The following PRKN variants were observed in gnomAD, a reference collection of about 807,000 sequenced individuals.
PRKN encodes E3 ubiquitin-protein ligase parkin.
Under a neutral mutation model 59.5 loss-of-function variants are expected in PRKN, and 56 were observed. The ratio of observed to expected loss-of-function variants is 0.94; its 90% CI spans 0.76 to 1.18. PRKN has a LOEUF of 1.18. PRKN is among the 50% of genes most tolerant of loss of function. The pLI, the probability that PRKN is intolerant of heterozygous loss-of-function variation, is 0.00. For missense variants in PRKN, 657 were observed against 596.4 expected, an observed-to-expected ratio of 1.10 and a Z score of -1.06; for synonymous variants, 250 against 222.1, an observed-to-expected ratio of 1.13 and a Z score of -1.12.
rs372370165 is a variant in PRKN at position 162,256,254 on chromosome 6, T to G, written c.412+6271A>C. 1.1e-4 allele frequency among the ~76,000 whole-genome samples: 17 copies of G among 152,280 alleles called. No homozygotes were observed. The East Asian group carries it at 3.1e-3, about 28-fold the overall frequency. On this transcript the variant is annotated intron_variant, in intron 3 of 11. Transcript: ENST00000366898. ...TCATTTTCTATTATATAATAGATATTTTATTAATTCTGTTTTTCTTACATA... is the reference window on the plus strand; with the variant it reads ...TCATTTTCTATTATATAATAGATATGTTATTAATTCTGTTTTTCTTACATA...
rs1206482848 is a variant in PRKN, at chr6:161,877,006, A to T, written c.735-91098T>A. Among the ~76,000 whole-genome samples the T allele has an allele frequency of 3.3e-5, 5 of 152,280 alleles. No homozygotes were observed. In the East Asian group the frequency reaches 9.6e-4, roughly 29 times the overall value. On this transcript the variant is annotated intron_variant, in intron 6 of 11. Transcript: ENST00000366898. ...AGAACTGCTCATTTGCAATCTAGAG[A>T]CCTATTCTGAGCATCAGGTCCTTTT...
At chr6:161,705,999 T>C (rs904662101) in intron 7 of PRKN, among the ~76,000 whole-genome samples, 3 of 152,058 alleles carry the variant, frequency 2.0e-5, no homozygotes, top group Non-Finnish European at 2.9e-5. Flanking sequence ...AACAAATCAG[T>C]CCTTCTAGCC....
intron 9 of PRKN, among the ~76,000 whole-genome samples, chr6:161,485,162 C>A (rs374844908): frequency 6.6e-6 from 1 of 152,110 alleles, no homozygotes; most frequent in African/African-American, 2.4e-5. Flanking sequence ...CATTGTGTAC[C>A]GAGCCAGTCA....
At chr6:162,656,303 A>C (rs981014393) in intron 1 of PRKN, among the ~76,000 whole-genome samples, 2 of 152,214 alleles carry the variant, frequency 1.3e-5, no homozygotes, top group Non-Finnish European at 2.9e-5. Flanking sequence ...AGATTCTACA[A>C]TGAGCTTTAA....
chr6:161,529,096 T>C lies in PRKN; in HGVS notation c.1083+19758A>G, dbSNP rs1270928641. 1.3e-5 allele frequency among the ~76,000 whole-genome samples: 2 copies of C among 152,336 alleles called. No individual in the cohort carries two copies. Among genetic ancestry groups the C allele is most frequent in the East Asian group, 1.9e-4 (1 of 5,182 alleles). On this transcript the variant is annotated intron_variant, in intron 9 of 11. Coordinates refer to ENST00000366898, the MANE Select transcript of PRKN (RefSeq NM_004562.3). This position sits in a 1 kb window ranked among gnomAD's most constrained non-coding sequence, Gnocchi z 4.4. ...AAACAGCTGTCTTATGTCTATGAGA[T>C]ATACGAGCCACAACCACAGACTCTA...
intron 1 of PRKN, among the ~76,000 whole-genome samples, chr6:162,536,076 G>A (rs749301099): frequency 4.6e-5 from 7 of 152,054 alleles, no homozygotes; most frequent in Non-Finnish European, 8.8e-5. Flanking sequence ...CCATGAAGAT[G>A]GTAGGACTGT....
chr6:162,697,303 AAGAT>A (rs1398679713), intron 1 of PRKN, among the ~76,000 whole-genome samples: 5 of 152,334 alleles, frequency 3.3e-5, no homozygotes, highest in African/African-American at 1.2e-4. Flanking sequence ...TGAAAATAAA[AAGAT>A]AGCAATAAAT....
At chr6:161,920,207 A>C (rs1778727627) in intron 6 of PRKN, among the ~76,000 whole-genome samples, 1 of 152,082 alleles carries the variant, frequency 6.6e-6, no homozygotes, top group Non-Finnish European at 1.5e-5. Context: ...AACATGGTGA[A>C]ACCCTGTCTC....
At chr6:162,248,262 G>A (rs968690278) in intron 3 of PRKN, among the ~76,000 whole-genome samples, 30 of 152,136 alleles carry the variant, frequency 2.0e-4, no homozygotes, top group African/African-American at 6.5e-4. Context: ...AGTCATCAGA[G>A]CCCATGCTGT....
At chr6:161,507,632 C>A (rs1025401620) in intron 9 of PRKN, among the ~76,000 whole-genome samples, 4 of 152,118 alleles carry the variant, frequency 2.6e-5, no homozygotes, top group African/African-American at 9.7e-5. Context: ...TTCCTTTGAG[C>A]CCTTCCCCCT....
At chr6:161,784,582 C>A (rs940098528) in intron 7 of PRKN, among the ~76,000 whole-genome samples, 3 of 152,302 alleles carry the variant, frequency 2.0e-5, no homozygotes, top group African/African-American at 7.2e-5. Context: ...TAAGACACCA[C>A]TTCACACTTA....
At position 162,190,559 on chromosome 6, in the gene PRKN, G is replaced by A. The variant is rs192153369; in HGVS notation, c.534+10572C>T. ...CCAAGTAAAGTCAATTAACCTCTCC[G>A]TTTCCCACCCGGCTTTACTGATGCA... On this transcript the variant is annotated intron_variant, in intron 4 of 11. Coordinates refer to ENST00000366898, the MANE Select transcript of PRKN (RefSeq NM_004562.3). Among the ~76,000 whole-genome samples the A allele has an allele frequency of 4.8e-4, 73 of 152,186 alleles. No homozygotes were observed. In the East Asian group the frequency reaches 0.013, roughly 28 times the overall value.
At chr6:162,389,418 G>C (rs757156387) in intron 2 of PRKN, among the ~76,000 whole-genome samples, 1 of 152,114 alleles carries the variant, frequency 6.6e-6, no homozygotes, top group African/African-American at 2.4e-5. Flanking sequence ...CCTCTGACTG[G>C]AAGTGAGGCA....
chr6:161,713,956 G>A (rs976584590), intron 7 of PRKN, among the ~76,000 whole-genome samples: 2 of 152,144 alleles, frequency 1.3e-5, no homozygotes. Flanking sequence ...CACCATGAAA[G>A]ATATGTCTTT....
intron 10 of PRKN, among the ~76,000 whole-genome samples, chr6:161,368,606 GT>G (rs2114887211): frequency 6.6e-6 from 1 of 151,662 alleles, no homozygotes; most frequent in East Asian, 2.0e-4. Flanking sequence ...CCAGCTTGTG[GT>G]AAAGACAGTG....
At chr6:161,629,323 C>T (rs537441155) in intron 7 of PRKN, among the ~76,000 whole-genome samples, 1 of 152,082 alleles carries the variant, frequency 6.6e-6, no homozygotes, top group Non-Finnish European at 1.5e-5. Context: ...AACTGAGAAG[C>T]AAGGGAGGAG....
Position 161,517,350 on chromosome 6 carries a change from C to T in PRKN, c.1083+31504G>A, listed in dbSNP as rs563841581. ...GGCTACTTATATGGTGACATCACAG[C>T]GCACCAAAACGTACATCAAAACCAC... is the stretch of plus-strand genomic sequence containing the variant. On this transcript the variant is annotated intron_variant, in intron 9 of 11. Transcript: ENST00000366898. 4.6e-5 allele frequency among the ~76,000 whole-genome samples: 7 copies of T among 152,120 alleles called. No homozygotes were observed. In the South Asian group the frequency reaches 8.3e-4, roughly 18 times the overall value.
chr6:162,575,884 T>C (rs1169301411), intron 1 of PRKN, among the ~76,000 whole-genome samples: 2 of 152,168 alleles, frequency 1.3e-5, no homozygotes, highest in Non-Finnish European at 2.9e-5. Context: ...TTGGATCTCT[T>C]GTACACTCTT....
intron 1 of PRKN, among the ~76,000 whole-genome samples, chr6:162,501,847 C>G (rs1345687219): frequency 6.6e-6 from 1 of 152,086 alleles, no homozygotes; most frequent in South Asian, 2.1e-4. Context: ...CAGCTCGCAC[C>G]AAGTATTCAC....
Sources: gnomAD v4.1 joint callset for allele counts (sites outside exome capture counted in the v4.1 genomes callset) on GRCh38, gnomAD v4.1.1 for gene constraint, Gnocchi (gnomAD v3.1) non-coding constraint, MANE v1.5 for transcripts, NCBI Gene and HGNC (gene_info 2026-07-23, HGNC 2026-07-21) for gene names.